The following CUL3 variants were observed in gnomAD, a reference collection of about 807,000 sequenced individuals.
CUL3 encodes cullin-3.
CUL3 carries 19 observed loss-of-function variants against 89.1 expected under a neutral mutation model. That is an observed-to-expected ratio of 0.21 (90% confidence interval 0.15 to 0.31). The LOEUF (loss-of-function observed/expected upper bound fraction) is 0.31. Ranked by LOEUF, CUL3 falls within the 10% of genes least tolerant of loss-of-function variation. The pLI is 1.00. For missense variants in CUL3, 469 were observed against 942.3 expected, an observed-to-expected ratio of 0.50 and a Z score of 6.58; for synonymous variants, 351 against 308.4, an observed-to-expected ratio of 1.14 and a Z score of -1.45.
At chr2:224,501,263 T>C (rs1334114692) in intron 10 of CUL3, among the ~76,000 whole-genome samples, 2 of 152,254 alleles carry the variant, frequency 1.3e-5, no homozygotes, top group Admixed American at 6.5e-5. Flanking sequence ...CGTTTTAGCA[T>C]GTAGCTCACA....
chr2:224,517,438 C>T (rs186523080), intron 3 of CUL3, among the ~76,000 whole-genome samples: 101 of 152,224 alleles, frequency 6.6e-4, no homozygotes, highest in African/African-American at 2.3e-3. Context: ...TTTGGGAGGC[C>T]GAAGCAGTCG....
At position 224,478,499 on chromosome 2, in the gene CUL3, C is replaced by CTTAT. The variant is rs3835786; in HGVS notation, c.2030-155_2030-154insATAA. 0.16 allele frequency: 88,904 copies of CTTAT among 549,464 alleles called. 8,381 individuals are homozygous for CTTAT. Among genetic ancestry groups the CTTAT allele is most frequent in the East Asian group, 0.29 (9,937 of 34,270 alleles). The allele number at this position is 549,464 out of a possible 1,614,324, so 34.0% of individuals were successfully genotyped here. Reference sequence around the variant, plus strand: ...ATTCAAGTACGCATTCAGAAACTGTCTTAATGTTTACTTGAATACTAAATT... The same window carrying CTTAT: ...ATTCAAGTACGCATTCAGAAACTGTCTTATTTAATGTTTACTTGAATACTAAATT... On this transcript the variant is annotated intron_variant, in intron 14 of 15. Transcript: ENST00000264414.
chr2:224,533,678 CTT>C (rs918332448), intron 3 of CUL3, among the ~76,000 whole-genome samples: 1 of 152,190 alleles, frequency 6.6e-6, no homozygotes, highest in Non-Finnish European at 1.5e-5. Flanking sequence ...AACAAGCTAA[CTT>C]ATTTCAAATT....
intron 2 of CUL3, among the ~76,000 whole-genome samples, chr2:224,536,182 C>T (rs1540823): frequency 0.19 from 28,939 of 152,104 alleles, 3,079 homozygotes; most frequent in South Asian, 0.27. Flanking sequence ...TTAACGCTAG[C>T]AATACACTTA....
intron 15 of CUL3, among the ~76,000 whole-genome samples, chr2:224,476,582 A>G (rs983269416): frequency 1.3e-5 from 2 of 152,130 alleles, no homozygotes; most frequent in African/African-American, 4.8e-5. Context: ...CCCACCCTAC[A>G]CATGTACATT....
chr2:224,557,407 T>C (rs1469878937), intron 2 of CUL3, among the ~76,000 whole-genome samples: 1 of 152,190 alleles, frequency 6.6e-6, no homozygotes, highest in Non-Finnish European at 1.5e-5. Context: ...CATTTGTGAA[T>C]TACTGAGTTT....
At chr2:224,556,816 GGTAACA>G (rs1694724827) in intron 2 of CUL3, among the ~76,000 whole-genome samples, 1 of 151,834 alleles carries the variant, frequency 6.6e-6, no homozygotes, top group Admixed American at 6.6e-5. Context: ...TAATAATATT[GGTAACA>G]GTAATTATAA....
chr2:224,567,447 T>G (rs1695069172), intron 1 of CUL3, among the ~76,000 whole-genome samples: 2 of 152,020 alleles, frequency 1.3e-5, no homozygotes, highest in Non-Finnish European at 2.9e-5. Context: ...GTGTTAAAAC[T>G]TCTAGGCTTC....
At chr2:224,520,190 T>G (rs1693209974) in intron 3 of CUL3, among the ~76,000 whole-genome samples, 1 of 152,060 alleles carries the variant, frequency 6.6e-6, no homozygotes, top group Non-Finnish European at 1.5e-5. Context: ...TAAAGGGATG[T>G]GAGTTTCATC....
chr2:224,493,842 T>G (rs757355943), intron 13 of CUL3, among the ~76,000 whole-genome samples: 6 of 152,190 alleles, frequency 3.9e-5, no homozygotes, highest in Non-Finnish European at 8.8e-5. Context: ...AGAGATAATT[T>G]AATTCCACCT....
At position 224,503,667 on chromosome 2, in the gene CUL3, C is replaced by A; in HGVS notation, c.1362G>T (p.Met454Ile). 6.3e-7 allele frequency: 1 copy of A among 1,588,988 alleles called. No homozygotes were observed. The highest frequency in any genetic ancestry group is 8.5e-7 in the Non-Finnish European group (1 of 1,170,964). ...CACACCTTACCTTTAACTTAGATAT[C>A]ATGTTTTTTTCAGAGTCATCAGAAA... is the stretch of plus-strand genomic sequence containing the variant. ...KSVSDDSEKN[M>I]ISKLKTECGC... Residue 454 changes from methionine (M) to isoleucine (I), a missense_variant, in exon 9 of 16, where the codon ATG (methionine) becomes ATT (isoleucine). Physicochemically the swap from Met to Ile is conservative, Grantham distance 10. This residue lies in a region of CUL3 where 370 missense variants were observed against 733.2 expected (regional missense o/e 0.50). Coordinates refer to ENST00000264414, the MANE Select transcript of CUL3 (RefSeq NM_003590.5).
At chr2:224,527,348 T>C (rs1191028449) in intron 3 of CUL3, among the ~76,000 whole-genome samples, 1 of 152,222 alleles carries the variant, frequency 6.6e-6, no homozygotes, top group African/African-American at 2.4e-5. Flanking sequence ...AAAATGTACA[T>C]GAGAAAACAC....
chr2:224,472,341 C>T lies in CUL3; in HGVS notation c.*1904G>A, dbSNP rs1691159834. The T allele has an allele frequency of 4.8e-6, 1 of 210,188 alleles. No homozygotes were observed. The highest frequency in any genetic ancestry group is 9.6e-6 in the Non-Finnish European group (1 of 103,702). 13.0% of individuals were successfully genotyped at this position (210,188 alleles called of 1,614,324 possible). A position where few individuals can be genotyped will look rare whatever the true frequency, so the allele number is the denominator to read the frequency against. ...GATTTCAAATAAAGTTTTTACATCG[C>T]TCATGTTTACTAACTCGACAATCTG... On this transcript the variant is annotated 3_prime_UTR_variant, in exon 16 of 16. Coordinates refer to ENST00000264414, the MANE Select transcript of CUL3 (RefSeq NM_003590.5).
chr2:224,568,673 C>CA (rs1695106203), intron 1 of CUL3, among the ~76,000 whole-genome samples: 1 of 152,150 alleles, frequency 6.6e-6, no homozygotes, highest in Non-Finnish European at 1.5e-5. Flanking sequence ...CTAAAGGCCT[C>CA]ACCCAGAAGG....
chr2:224,556,568 A>G (rs577602747), intron 2 of CUL3: 9 of 152,204 alleles, frequency 5.9e-5, no homozygotes, highest in Non-Finnish European at 1.2e-4. Flanking sequence ...ACTGAACATG[A>G]GATCCTGGAC....
At chr2:224,501,697 G>GGA (rs1692395059) in intron 10 of CUL3, among the ~76,000 whole-genome samples, 1 of 152,154 alleles carries the variant, frequency 6.6e-6, no homozygotes, top group Non-Finnish European at 1.5e-5. Context: ...GGATCATAGA[G>GGA]GAGACTCTTA....
At chr2:224,553,517 G>A (rs2106296886) in intron 2 of CUL3, among the ~76,000 whole-genome samples, 1 of 152,266 alleles carries the variant, frequency 6.6e-6, no homozygotes, top group East Asian at 1.9e-4. Flanking sequence ...TATAAAAACT[G>A]CCTATATTCT....
At chr2:224,501,591 A>C (rs944265429) in intron 10 of CUL3, among the ~76,000 whole-genome samples, 4 of 152,242 alleles carry the variant, frequency 2.6e-5, no homozygotes, top group Non-Finnish European at 5.9e-5. Flanking sequence ...GAATATCAAG[A>C]AGCATTCTAC....
In CUL3 at chr2:224,511,244, C is replaced by A. The variant is rs183740062; in HGVS notation, c.883+110G>T. The A allele has an allele frequency of 6.9e-6, 5 of 729,544 alleles. No individual in the cohort carries two copies. The South Asian group carries it at 8.2e-5, about 12-fold the overall frequency. The allele number at this position is 729,544 out of a possible 1,614,324, so 45.2% of individuals were successfully genotyped here. Reference sequence around the variant, plus strand: ...ACAATGGAGACAAATTAACAATACACACCAAAACTTCTTGAAAGCTGATAT... The same window carrying A: ...ACAATGGAGACAAATTAACAATACAAACCAAAACTTCTTGAAAGCTGATAT... On this transcript the variant is annotated intron_variant, in intron 6 of 15. Transcript: ENST00000264414.
Sources: gnomAD v4.1 joint callset for allele counts (sites outside exome capture counted in the v4.1 genomes callset) on GRCh38, gnomAD v4.1.1 for gene constraint, gnomAD v4.1.1 regional missense constraint, MANE v1.5 for transcripts, NCBI Gene and HGNC (gene_info 2026-07-23, HGNC 2026-07-21) for gene names.